BICRA: variants seen among roughly 807,000 people sequenced by gnomAD.
The protein encoded by BICRA is BRD4 interacting chromatin remodeling complex associated protein, also known as BRD4-interacting chromatin-remodeling complex-associated protein.
In BICRA, 31 loss-of-function variants were observed where a neutral mutation model predicts 96.9. The observed-to-expected ratio is 0.32, with a 90% confidence interval of 0.24 to 0.43. The LOEUF is 0.43. Among genes scored for constraint, BICRA ranks in the 20% least tolerant of loss-of-function variants. BICRA has a pLI of 1.00. For synonymous variants in BICRA, 1,350 were observed against 1,071.8 expected (o/e 1.26, Z -5.07); for missense variants, 2,283 against 2,190.3 (o/e 1.04, Z -0.84).
chr19:47,666,287 T>A (rs1381906888), intron 1 of BICRA, among the ~76,000 whole-genome samples: 3 of 91,338 alleles, frequency 3.3e-5, no homozygotes, highest in Admixed American at 2.3e-4. Context: ...TTTTTCTTTT[T>A]CTTTTTCTTC....
At position 47,694,405 on chromosome 19, in the gene BICRA, G is replaced by A. The variant is rs760436411; in HGVS notation, c.2574G>A (p.Pro858=). ...SNPAPTAPGP[P]QPPLRPQSQP... Reference sequence around the variant, plus strand: ...CGGCCCCTACTGCCCCAGGCCCGCCGCAGCCGCCTCTCCGCCCCCAGTCCC... The same window carrying A: ...CGGCCCCTACTGCCCCAGGCCCGCCACAGCCGCCTCTCCGCCCCCAGTCCC... Residue 858 remains proline (P), a synonymous_variant, in exon 8 of 15, where the codon CCG becomes CCA. Transcript: ENST00000594866. The A allele has an allele frequency of 1.6e-5, 14 of 881,800 alleles. No individual in the cohort carries two copies. The highest frequency in any genetic ancestry group is 4.9e-5 in the Admixed American group (2 of 40,806). 54.6% of individuals were successfully genotyped at this position (881,800 alleles called of 1,614,324 possible). A position where few individuals can be genotyped will look rare whatever the true frequency, so the allele number is the denominator to read the frequency against.
In BICRA at chr19:47,627,320, A is replaced by G. The variant is rs1972156006; in HGVS notation, c.-108+18152A>G. 2.0e-5 allele frequency among the ~76,000 whole-genome samples: 3 copies of G among 152,134 alleles called. No homozygotes were observed. The South Asian group carries it at 6.2e-4, about 31-fold the overall frequency. ...GGTCTAGAGCCAACTGTGGCACTGG[A>G]ACAAGGCCCCTACCTTGTTCAGCCT... On this transcript the variant is annotated intron_variant, in intron 1 of 14. Transcript: ENST00000594866.
intron 7 of BICRA, among the ~76,000 whole-genome samples, chr19:47,692,716 G>C (rs954857828): frequency 6.6e-6 from 1 of 152,180 alleles, no homozygotes; most frequent in Non-Finnish European, 1.5e-5. Flanking sequence ...TGATTGGTTT[G>C]GTTTGGTTCT....
chr19:47,649,766 G>T (rs972635413), intron 1 of BICRA, among the ~76,000 whole-genome samples: 3 of 152,096 alleles, frequency 2.0e-5, no homozygotes, highest in African/African-American at 7.2e-5. Context: ...GGTGGAAGGA[G>T]ATGAAATCAG....
At position 47,701,647 on chromosome 19, in the gene BICRA, C is replaced by T. The variant is rs184020720; in HGVS notation, c.3915C>T (p.Arg1305=). The T allele has an allele frequency of 5.8e-5, 93 of 1,596,244 alleles. No homozygotes were observed. Among genetic ancestry groups the T allele is most frequent in the Admixed American group, 5.4e-4 (31 of 57,794 alleles). The change falls in exon 15 of 15, where the codon CGC becomes CGT. Residue 1305 remains arginine (R), a synonymous_variant. Coordinates refer to ENST00000594866, the MANE Select transcript of BICRA (RefSeq NM_001394372.1). The surrounding 1 kb of genome is among the most constrained non-coding windows in gnomAD (Gnocchi z 5.4). The part of the protein sequence containing the change: ...PPIKTYEARS[R]IGLKLKIKQE... ...TCAAGACCTACGAGGCCCGGAGCCG[C>T]ATCGGGCTCAAGCTCAAGATCAAGC... is the stretch of plus-strand genomic sequence containing the variant.
chr19:47,621,123 C>T (rs1354158520), intron 1 of BICRA, among the ~76,000 whole-genome samples: 1 of 152,164 alleles, frequency 6.6e-6, no homozygotes, highest in Non-Finnish European at 1.5e-5. Flanking sequence ...GAAACCGAGG[C>T]TCCATGAGTT....
At chr19:47,648,129 T>C (rs1404893734) in intron 1 of BICRA, among the ~76,000 whole-genome samples, 1 of 152,016 alleles carries the variant, frequency 6.6e-6, no homozygotes, top group East Asian at 1.9e-4. Context: ...TCTCTGTCTC[T>C]CTGAACTGCT....
intron 7 of BICRA, among the ~76,000 whole-genome samples, chr19:47,682,524 G>T (rs1156398477): frequency 2.0e-5 from 3 of 152,268 alleles, no homozygotes; most frequent in Admixed American, 2.0e-4. Context: ...CTCCCAAGGT[G>T]GTTTCTTGCA....
intron 1 of BICRA, among the ~76,000 whole-genome samples, chr19:47,640,977 G>A (rs1972376419): frequency 7.0e-6 from 1 of 142,322 alleles, no homozygotes; most frequent in Non-Finnish European, 1.5e-5. Context: ...TTGGCTCACT[G>A]CAACATCCGC....
chr19:47,697,793 C>T (rs775301611), intron 11 of BICRA, among the ~76,000 whole-genome samples: 4 of 152,168 alleles, frequency 2.6e-5, no homozygotes, highest in African/African-American at 4.8e-5. Context: ...TGGTCTGAAA[C>T]TCCTAGTCTC....
rs578228256 is a variant in BICRA, at chr19:47,614,389, G to A, written c.-108+5221G>A. ...CCCAGCACTTTGGGAGGCTGAAGTG[G>A]GCAGATCACCTGCGGTCAGGAGTTC... On this transcript the variant is annotated intron_variant, in intron 1 of 14. Transcript: ENST00000594866. Among the ~76,000 whole-genome samples the A allele has an allele frequency of 1.2e-4, 18 of 152,328 alleles. 1 individual carries two copies. In the South Asian group the frequency reaches 3.7e-3, roughly 32 times the overall value.
At chr19:47,676,163 G>C (rs1972937439) in intron 5 of BICRA, among the ~76,000 whole-genome samples, 1 of 152,146 alleles carries the variant, frequency 6.6e-6, no homozygotes. Flanking sequence ...GGGAAGAGGT[G>C]AGGGTCCCCG....
At chr19:47,669,343 C>T (rs1244166518) in intron 1 of BICRA, among the ~76,000 whole-genome samples, 2 of 151,940 alleles carry the variant, frequency 1.3e-5, no homozygotes, top group Non-Finnish European at 2.9e-5. Flanking sequence ...GGTGATGTAT[C>T]GATTGATGGG....
At position 47,697,547 on chromosome 19, in the gene BICRA, G is replaced by A. The variant is rs565683555; in HGVS notation, c.3248+1035G>A. ...GGCTGGAGTGCAGTGGTACAATCTC[G>A]GCTCACTGCAACCTCTGCCTCCTGG... On this transcript the variant is annotated intron_variant, in intron 11 of 14. Coordinates refer to ENST00000594866, the MANE Select transcript of BICRA (RefSeq NM_001394372.1). Among the ~76,000 whole-genome samples, 7 of 151,768 alleles carry A rather than the reference G, an allele frequency of 4.6e-5. No homozygotes were observed. In the South Asian group the frequency reaches 1.5e-3, roughly 32 times the overall value.
chr19:47,658,635 A>G (rs1229089629), intron 1 of BICRA, among the ~76,000 whole-genome samples: 1 of 96,132 alleles, frequency 1.0e-5, no homozygotes, highest in East Asian at 2.0e-4. Context: ...TCGTCTCAAA[A>G]AAAAAAAAAA....
chr19:47,678,943 G>A (rs577439110), intron 5 of BICRA: 1 of 212,172 alleles, frequency 4.7e-6, no homozygotes, highest in East Asian at 1.0e-4. Context: ...TGTCACCGAG[G>A]CTGGAGTGTA....
At position 47,656,123 on chromosome 19, in the gene BICRA, A is replaced by G. The variant is rs956558664; in HGVS notation, c.-107-14320A>G. On this transcript the variant is annotated intron_variant, in intron 1 of 14. Coordinates refer to ENST00000594866, the MANE Select transcript of BICRA (RefSeq NM_001394372.1). ...ACACACACACACACTCTGAATAAAT[A>G]AGTAAATTTTAGAATTAGCCAAGCG... is the stretch of plus-strand genomic sequence containing the variant. 3.5e-5 allele frequency among the ~76,000 whole-genome samples: 5 copies of G among 143,870 alleles called. No homozygotes were observed. In the East Asian group the frequency reaches 8.5e-4, roughly 24 times the overall value. 94.4% of individuals were successfully genotyped at this position (143,870 alleles called of 152,430 possible).
intron 7 of BICRA, among the ~76,000 whole-genome samples, chr19:47,691,840 C>T (rs1205473886): frequency 2.0e-5 from 3 of 152,146 alleles, no homozygotes; most frequent in East Asian, 1.9e-4. Context: ...GGATTGCAAG[C>T]GTGAGCCACC....
chr19:47,668,597 C>T (rs980448657), intron 1 of BICRA, among the ~76,000 whole-genome samples: 1 of 148,050 alleles, frequency 6.8e-6, no homozygotes, highest in Non-Finnish European at 1.5e-5. Context: ...AAGTGATTTT[C>T]GTGCCTCAGT....
Sources: gnomAD v4.1 joint callset for allele counts (sites outside exome capture counted in the v4.1 genomes callset) on GRCh38, gnomAD v4.1.1 for gene constraint, Gnocchi (gnomAD v3.1) non-coding constraint, MANE v1.5 for transcripts, NCBI Gene and HGNC (gene_info 2026-07-23, HGNC 2026-07-21) for gene names.